The following LSAMP variants were observed in gnomAD, a reference collection of about 807,000 sequenced individuals.
LSAMP encodes the protein limbic system-associated membrane protein.
LSAMP carries 7 observed loss-of-function variants against 38.6 expected under a neutral mutation model. The ratio of observed to expected loss-of-function variants is 0.18; its 90% CI spans 0.10 to 0.34. The LOEUF is 0.34. Among genes scored for constraint, LSAMP ranks in the 10% least tolerant of loss-of-function variants. The pLI, the probability that LSAMP is intolerant of heterozygous loss-of-function variation, is 1.00. For missense variants in LSAMP, 313 were observed against 420.0 expected (o/e 0.75, Z 2.23); for synonymous variants, 154 against 166.8 (o/e 0.92, Z 0.59).
chr3:116,152,334 A>G (rs919283042), intron 1 of LSAMP, among the ~76,000 whole-genome samples: 3 of 152,112 alleles, frequency 2.0e-5, no homozygotes, highest in African/African-American at 4.8e-5. Context: ...TTTATCTGCA[A>G]TCGGTACCCA....
intron 2 of LSAMP, among the ~76,000 whole-genome samples, chr3:116,051,618 C>T (rs1450477932): frequency 6.6e-6 from 1 of 152,166 alleles, no homozygotes; most frequent in Non-Finnish European, 1.5e-5. Context: ...CTTTCTTACC[C>T]ACTAGCTTTG....
chr3:116,086,573 A>G lies in LSAMP; in HGVS notation c.156-17T>C. 1 of 1,591,704 alleles carries G rather than the reference A, an allele frequency of 6.3e-7. No homozygotes were observed. Among genetic ancestry groups the G allele is most frequent in the Non-Finnish European group, 8.6e-7 (1 of 1,159,568 alleles). ...ACAACGCACCTGACAGAGCAGAGTA[A>G]CAATATTAGTGCCTTAACAACAACT... On this transcript the variant is annotated splice_polypyrimidine_tract_variant and intron_variant, in intron 1 of 6. Transcript: ENST00000490035.
At chr3:116,225,288 G>A (rs755815683) in intron 1 of LSAMP, among the ~76,000 whole-genome samples, 5 of 152,144 alleles carry the variant, frequency 3.3e-5, no homozygotes, top group Non-Finnish European at 5.9e-5. Context: ...AAGAGACATA[G>A]CAGAGGACAT....
chr3:115,841,305 AT>A (rs1559845733), intron 6 of LSAMP, among the ~76,000 whole-genome samples: 1 of 151,846 alleles, frequency 6.6e-6, no homozygotes. Flanking sequence ...TTCTGCAACC[AT>A]TTTTCCTCCT....
At chr3:116,039,949 G>A (rs1030778512) in intron 2 of LSAMP, among the ~76,000 whole-genome samples, 1 of 152,038 alleles carries the variant, frequency 6.6e-6, no homozygotes, top group Non-Finnish European at 1.5e-5. Context: ...CTCATCTTGA[G>A]TCCCCACGCT....
chr3:116,093,457 T>A (rs182628510), intron 1 of LSAMP, among the ~76,000 whole-genome samples: 2 of 152,340 alleles, frequency 1.3e-5, no homozygotes, highest in East Asian at 3.9e-4. Flanking sequence ...AGGCTTATGC[T>A]TTTTAATTTA....
intron 1 of LSAMP, among the ~76,000 whole-genome samples, chr3:116,333,618 C>G (rs1255538747): frequency 6.7e-6 from 1 of 148,198 alleles, no homozygotes; most frequent in Non-Finnish European, 1.5e-5. Context: ...ATAACTAAAA[C>G]TAGAAAATTC....
At chr3:116,370,802 A>G (rs975476260) in intron 1 of LSAMP, among the ~76,000 whole-genome samples, 1 of 152,200 alleles carries the variant, frequency 6.6e-6, no homozygotes, top group East Asian at 1.9e-4. Context: ...TGGTTCTTCA[A>G]TAAGATCAAC....
At chr3:116,243,910 G>A (rs1307236807) in intron 1 of LSAMP, among the ~76,000 whole-genome samples, 1 of 152,084 alleles carries the variant, frequency 6.6e-6, no homozygotes, top group Non-Finnish European at 1.5e-5. Context: ...AATCTGGGCA[G>A]TGGTAGAAAA....
chr3:116,240,720 GA>G (rs1358104749), intron 1 of LSAMP, among the ~76,000 whole-genome samples: 4 of 152,006 alleles, frequency 2.6e-5, no homozygotes, highest in African/African-American at 7.2e-5. Flanking sequence ...GTTGTTGTAA[GA>G]AAAAAATATG....
intron 1 of LSAMP, among the ~76,000 whole-genome samples, chr3:116,223,028 G>A (rs1232063992): frequency 6.6e-6 from 1 of 151,960 alleles, no homozygotes; most frequent in African/African-American, 2.4e-5. Flanking sequence ...GTGAGCCACC[G>A]CGCCCGGCCT....
chr3:115,892,291 C>A (rs1313047929), intron 3 of LSAMP, among the ~76,000 whole-genome samples: 10 of 151,970 alleles, frequency 6.6e-5, no homozygotes, highest in African/African-American at 2.4e-4. Context: ...CATTAAATGA[C>A]ATGTCCAAGA....
At chr3:115,961,110 TC>T (rs1938612657) in intron 3 of LSAMP, among the ~76,000 whole-genome samples, 1 of 152,232 alleles carries the variant, frequency 6.6e-6, no homozygotes, top group African/African-American at 2.4e-5. Context: ...AAATGCTATT[TC>T]AGAGGGACTG....
At chr3:116,333,793 T>A (rs2047884692) in intron 1 of LSAMP, among the ~76,000 whole-genome samples, 1 of 151,666 alleles carries the variant, frequency 6.6e-6, no homozygotes, top group African/African-American at 2.4e-5. Flanking sequence ...CTACGAACAC[T>A]TAAATTTAAA....
chr3:115,946,151 G>C (rs1481452546), intron 3 of LSAMP, among the ~76,000 whole-genome samples: 1 of 152,086 alleles, frequency 6.6e-6, no homozygotes, highest in Non-Finnish European at 1.5e-5. Context: ...AATTATAAAA[G>C]CTGGGTTAAA....
intron 1 of LSAMP, among the ~76,000 whole-genome samples, chr3:116,402,657 CAT>C (rs1001507687): frequency 1.3e-5 from 2 of 151,834 alleles, no homozygotes; most frequent in African/African-American, 4.8e-5. Flanking sequence ...CATCATCAAG[CAT>C]ATATATATGC....
chr3:116,045,101 G>A (rs1038063965), intron 2 of LSAMP, among the ~76,000 whole-genome samples: 1 of 152,134 alleles, frequency 6.6e-6, no homozygotes, highest in African/African-American at 2.4e-5. Context: ...ACATAAATAA[G>A]CAGTAGGGTA....
intron 2 of LSAMP, among the ~76,000 whole-genome samples, chr3:116,050,894 TAAGGCCATAGTACGGGGCACACC>T (rs1941384757): frequency 6.6e-6 from 1 of 152,210 alleles, no homozygotes; most frequent in South Asian, 2.1e-4. Context: ...TTGTGCCTTA[TAAGGCCATAGTACGGGGCACACC>T]AGAATGCCAA....
chr3:115,834,542 G>A, intron 6 of LSAMP: 1 of 1,283,744 alleles, frequency 7.8e-7, no homozygotes, highest in Non-Finnish European at 1.0e-6. Flanking sequence ...GAGAGCTACA[G>A]TGATAAAAAT....
Sources: gnomAD v4.1 joint callset for allele counts (sites outside exome capture counted in the v4.1 genomes callset) on GRCh38, gnomAD v4.1.1 for gene constraint, MANE v1.5 for transcripts, NCBI Gene and HGNC (gene_info 2026-07-23, HGNC 2026-07-21) for gene names.